Variants in RBMS1 observed in about 807,000 individuals in gnomAD.
RBMS1 encodes the protein RNA-binding motif, single-stranded-interacting protein 1.
In RBMS1, 17 loss-of-function variants were observed where a neutral mutation model predicts 62.3. That is an observed-to-expected ratio of 0.27 (90% CI 0.19 to 0.41). The LOEUF (loss-of-function observed/expected upper bound fraction) is 0.41, where lower values mean the gene tolerates loss of function less well. Among genes scored for constraint, RBMS1 ranks in the 10% least tolerant of loss-of-function variants. The probability of loss-of-function intolerance (pLI) is 1.00; values close to 1 mark genes in which losing one functional copy is unlikely to be tolerated. For missense variants in RBMS1, 334 were observed against 504.5 expected (o/e 0.66, Z 3.24); for synonymous variants, 172 against 170.0 (o/e 1.01, Z -0.09).
chr2:160,387,693 T>C (rs757891743), intron 1 of RBMS1, among the ~76,000 whole-genome samples: 3 of 152,120 alleles, frequency 2.0e-5, no homozygotes, highest in Non-Finnish European at 4.4e-5. Context: ...GCTCAATATA[T>C]GCTCAGGAAT....
At chr2:160,296,561 G>A (rs1272017840) in intron 6 of RBMS1, among the ~76,000 whole-genome samples, 3 of 152,214 alleles carry the variant, frequency 2.0e-5, no homozygotes, top group Non-Finnish European at 4.4e-5. Context: ...TACGTGCACA[G>A]CCTTGGAGAA....
At position 160,420,034 on chromosome 2, in the gene RBMS1, T is replaced by C. The variant is rs371148388; in HGVS notation, c.76-52643A>G. On this transcript the variant is annotated intron_variant, in intron 1 of 13. Coordinates refer to ENST00000348849, the MANE Select transcript of RBMS1 (RefSeq NM_016836.4). ...TCTCCATATCTTTTATGGAGTTTTC[T>C]CGAGCTTGAACTGCTGGAACTCTTC... Among the ~76,000 whole-genome samples the C allele has an allele frequency of 2.5e-4, 38 of 152,346 alleles. No homozygotes were observed. In the East Asian group the frequency reaches 6.2e-3, roughly 25 times the overall value.
intron 1 of RBMS1, among the ~76,000 whole-genome samples, chr2:160,403,294 G>A (rs551783114): frequency 6.6e-6 from 1 of 152,296 alleles, no homozygotes; most frequent in African/African-American, 2.4e-5. Context: ...AATCTCTGTA[G>A]CTTGAAGACG....
chr2:160,300,264 G>A (rs1689139320), intron 6 of RBMS1, among the ~76,000 whole-genome samples: 1 of 152,164 alleles, frequency 6.6e-6, no homozygotes, highest in Non-Finnish European at 1.5e-5. Flanking sequence ...TGGCTAAAGT[G>A]GAGTGGACAT....
intron 4 of RBMS1, among the ~76,000 whole-genome samples, chr2:160,311,224 C>CTATATATATATATATCTATA: frequency 3.5e-5 from 2 of 56,604 alleles, no homozygotes; most frequent in East Asian, 8.6e-4. Flanking sequence ...ATCTATCTAT[C>CTATATATATATATATCTATA]TATCTATCTA....
chr2:160,446,151 A>C (rs145939533), intron 1 of RBMS1, among the ~76,000 whole-genome samples: 8 of 152,342 alleles, frequency 5.3e-5, no homozygotes, highest in African/African-American at 1.9e-4. Context: ...ACCTACCTTC[A>C]AAAAGTTTTA....
intron 2 of RBMS1, among the ~76,000 whole-genome samples, chr2:160,335,645 C>A (rs902409193): frequency 6.6e-6 from 1 of 152,180 alleles, no homozygotes; most frequent in African/African-American, 2.4e-5. Context: ...GACTTACAAT[C>A]CTGATGTAAC....
intron 1 of RBMS1, among the ~76,000 whole-genome samples, chr2:160,383,438 T>A (rs887077717): frequency 1.1e-5 from 1 of 88,946 alleles, no homozygotes; most frequent in African/African-American, 4.0e-5. Flanking sequence ...TCTGGGGTTC[T>A]GGTTAGACAT....
At chr2:160,300,513 T>C in intron 6 of RBMS1, 138 bp downstream of exon 6, 1 of 1,229,126 alleles carries the variant, frequency 8.1e-7, no homozygotes, top group Non-Finnish European at 1.1e-6. Flanking sequence ...AATTTTTAAG[T>C]CTTATTTCTA....
At chr2:160,308,017 C>T (rs974095968) in intron 4 of RBMS1, among the ~76,000 whole-genome samples, 14 of 152,102 alleles carry the variant, frequency 9.2e-5, no homozygotes, top group African/African-American at 2.9e-4. Flanking sequence ...TAATATATGG[C>T]AATATGAATT....
chr2:160,375,608 C>T (rs1693954884), intron 1 of RBMS1, among the ~76,000 whole-genome samples: 1 of 152,130 alleles, frequency 6.6e-6, no homozygotes, highest in Admixed American at 6.6e-5. Context: ...TCTATTCAAT[C>T]TCTTCTATAT....
intron 1 of RBMS1, among the ~76,000 whole-genome samples, chr2:160,406,327 G>T (rs1006755367): frequency 6.6e-5 from 10 of 152,128 alleles, no homozygotes; most frequent in African/African-American, 2.4e-4. Flanking sequence ...TGACTCTGAC[G>T]ACAACAAGAC....
intron 10 of RBMS1, chr2:160,279,746 T>C (rs1331123107): frequency 6.6e-6 from 1 of 152,172 alleles, no homozygotes; most frequent in Non-Finnish European, 1.5e-5. Context: ...CTGTTATTTA[T>C]TGATAATTAG....
intron 1 of RBMS1, chr2:160,407,569 C>G (rs965750396): frequency 3.0e-6 from 3 of 984,098 alleles, no homozygotes; most frequent in Non-Finnish European, 3.6e-6. Context: ...GGCGCGGGCG[C>G]GGGCGCGGGG....
At chr2:160,479,097 G>C (rs1420507470) in intron 1 of RBMS1, among the ~76,000 whole-genome samples, 1 of 152,218 alleles carries the variant, frequency 6.6e-6, no homozygotes, top group African/African-American at 2.4e-5. Context: ...GTGATGGCAG[G>C]ATAGAGAAAC....
chr2:160,346,890 G>C (rs1692213408), intron 2 of RBMS1, among the ~76,000 whole-genome samples: 3 of 152,024 alleles, frequency 2.0e-5, no homozygotes, highest in African/African-American at 7.2e-5. Flanking sequence ...CTGATAAATT[G>C]AAACTAAATA....
rs116455045 is a variant in RBMS1, at chr2:160,474,200, C to T, written c.75+19089G>A. 9.0e-3 allele frequency among the ~76,000 whole-genome samples: 1,377 copies of T among 152,192 alleles called. 31 individuals carry two copies. Among genetic ancestry groups the T allele is most frequent in the African/African-American group, 0.031 (1,307 of 41,520 alleles). On this transcript the variant is annotated intron_variant, in intron 1 of 13. Transcript: ENST00000348849. ...AAAGTGTGGCATATCCCATACATTA[C>T]AACCACGAGTCTAGAGTGTTAGCTG... is the stretch of plus-strand genomic sequence containing the variant.
intron 1 of RBMS1, among the ~76,000 whole-genome samples, chr2:160,436,013 G>C (rs1266536254): frequency 6.6e-6 from 1 of 152,176 alleles, no homozygotes; most frequent in Non-Finnish European, 1.5e-5. Context: ...TTTCATGATT[G>C]CTACTTGACT....
intron 1 of RBMS1, among the ~76,000 whole-genome samples, chr2:160,457,288 G>A (rs866197788): frequency 1.3e-5 from 2 of 152,072 alleles, no homozygotes; most frequent in Non-Finnish European, 2.9e-5. Context: ...GCACCACCAC[G>A]CCCAGCTAAT....
Sources: allele counts gnomAD v4.1 joint callset (sites outside exome capture counted in the v4.1 genomes callset), GRCh38; gene constraint gnomAD v4.1.1; transcripts MANE v1.5; gene names NCBI Gene and HGNC (gene_info 2026-07-23, HGNC 2026-07-21).